Variants in SRD5A2 observed in about 807,000 individuals in gnomAD.
SRD5A2 encodes 3-oxo-5-alpha-steroid 4-dehydrogenase 2.
Under a neutral mutation model 27.4 loss-of-function variants are expected in SRD5A2, and 30 were observed. The observed-to-expected ratio is 1.10, with a 90% CI of 0.82 to 1.49. The LOEUF (loss-of-function observed/expected upper bound fraction) is 1.49. Among genes scored for constraint, SRD5A2 ranks in the 40% most tolerant of loss-of-function variants. SRD5A2 has a pLI of 0.00. For missense variants in SRD5A2, 348 were observed against 323.4 expected, an observed-to-expected ratio of 1.08 and a Z score of -0.58; for synonymous variants, 141 against 133.6, an observed-to-expected ratio of 1.06 and a Z score of -0.38.
At chr2:31,640,992 G>A in the SRD5A2 span, among the ~76,000 whole-genome samples, 1 of 152,214 alleles carries the variant, frequency 6.6e-6, no homozygotes, top group African/African-American at 2.4e-5. Flanking sequence ...TGAGCAGAAT[G>A]TGGGGAAGGG....
chr2:31,574,062 C>G (rs565395796), intron 1 of SRD5A2, among the ~76,000 whole-genome samples: 1 of 152,354 alleles, frequency 6.6e-6, no homozygotes, highest in East Asian at 1.9e-4. Context: ...GGCACTAGGG[C>G]CCTCTCAGAT....
the SRD5A2 span, among the ~76,000 whole-genome samples, chr2:31,603,749 T>C: frequency 2.6e-5 from 4 of 152,050 alleles, no homozygotes; most frequent in South Asian, 8.3e-4. Context: ...TGCAAGGACA[T>C]GAATGGAGCT....
chr2:31,651,311 T>C, the SRD5A2 span: 1 of 160,214 alleles, frequency 6.2e-6, no homozygotes, highest in African/African-American at 2.4e-5. Flanking sequence ...TTCTGAAGAG[T>C]GAGACATGAA....
chr2:31,564,921 T>G (rs1451178672), intron 1 of SRD5A2, among the ~76,000 whole-genome samples: 1 of 151,918 alleles, frequency 6.6e-6, no homozygotes, highest in African/African-American at 2.4e-5. Context: ...GCATCAAATA[T>G]GGCAACCACA....
At chr2:31,614,406 G>T in the SRD5A2 span, among the ~76,000 whole-genome samples, 1 of 152,214 alleles carries the variant, frequency 6.6e-6, no homozygotes, top group African/African-American at 2.4e-5. Flanking sequence ...TGCAAGTGGT[G>T]GGCTCCTGTG....
At chr2:31,540,729 A>G (rs1426398301) in intron 1 of SRD5A2, among the ~76,000 whole-genome samples, 2 of 152,204 alleles carry the variant, frequency 1.3e-5, no homozygotes, top group Non-Finnish European at 2.9e-5. Flanking sequence ...AGCTCAGTCA[A>G]TTTTAGCTCT....
chr2:31,589,989 C>T, the SRD5A2 span, among the ~76,000 whole-genome samples: 10 of 152,074 alleles, frequency 6.6e-5, no homozygotes, highest in Non-Finnish European at 1.3e-4. Flanking sequence ...CCGTCACTGC[C>T]TGTTTTCCCC....
chr2:31,540,177 A>G (rs1666102021), intron 1 of SRD5A2, among the ~76,000 whole-genome samples: 1 of 152,178 alleles, frequency 6.6e-6, no homozygotes, highest in African/African-American at 2.4e-5. Context: ...ACTATATGAA[A>G]GAGATTCTCT....
At chr2:31,560,142 T>C (rs1489830346) in intron 1 of SRD5A2, among the ~76,000 whole-genome samples, 3 of 148,624 alleles carry the variant, frequency 2.0e-5, no homozygotes, top group Non-Finnish European at 4.5e-5. Flanking sequence ...TCCAGGATAT[T>C]CTAAGACATG....
rs28383025 is a variant in SRD5A2 at position 31,537,540 on chromosome 2, G to C, written c.282-3774C>G. On this transcript the variant is annotated intron_variant, in intron 1 of 4. Transcript: ENST00000622030. ...AACTTCCAGCACACCACACTCTCTT[G>C]GTTCTTCTGCTTCACTGATCTGTTC... Among the ~76,000 whole-genome samples the C allele has an allele frequency of 5.3e-3, 809 of 152,120 alleles. 7 individuals are homozygous for C. Among genetic ancestry groups the C allele is most frequent in the African/African-American group, 0.019 (781 of 41,494 alleles).
At chr2:31,557,389 G>A (rs997631422) in intron 1 of SRD5A2, among the ~76,000 whole-genome samples, 2 of 152,236 alleles carry the variant, frequency 1.3e-5, no homozygotes, top group African/African-American at 4.8e-5. Context: ...TTGCTTAGAT[G>A]TTTTGGCTTT....
At chr2:31,529,480 G>A (rs1375043150) in intron 3 of SRD5A2, 23 bp from the exon 4 acceptor site, 1 of 1,607,208 alleles carries the variant, frequency 6.2e-7, no homozygotes, top group Non-Finnish European at 8.5e-7. Flanking sequence ...GAATCGGAAG[G>A]TCAATCATTG....
At chr2:31,528,584 A>G (rs1488372440) in intron 4 of SRD5A2, among the ~76,000 whole-genome samples, 1 of 152,088 alleles carries the variant, frequency 6.6e-6, no homozygotes, top group Admixed American at 6.5e-5. Flanking sequence ...CCTGGCCAAC[A>G]TGGTGAAACT....
chr2:31,600,511 T>C, the SRD5A2 span, among the ~76,000 whole-genome samples: 6 of 152,144 alleles, frequency 3.9e-5, no homozygotes, highest in South Asian at 2.1e-4. Context: ...ATTTTTTGAC[T>C]TTTTAGTCAT....
At chr2:31,627,368 C>G in the SRD5A2 span, among the ~76,000 whole-genome samples, 1 of 151,790 alleles carries the variant, frequency 6.6e-6, no homozygotes, top group Non-Finnish European at 1.5e-5. Context: ...ATTATTCTAG[C>G]TAGTGGTCTA....
At chr2:31,628,532 A>T in the SRD5A2 span, among the ~76,000 whole-genome samples, 2 of 152,264 alleles carry the variant, frequency 1.3e-5, no homozygotes, top group Non-Finnish European at 1.5e-5. Flanking sequence ...GCTGGTTATT[A>T]TGCAGACTTC....
At chr2:31,635,883 T>C in the SRD5A2 span, among the ~76,000 whole-genome samples, 1 of 152,118 alleles carries the variant, frequency 6.6e-6, no homozygotes, top group Non-Finnish European at 1.5e-5. Context: ...TATATCTGGA[T>C]ACTGTATTCT....
At chr2:31,590,825 G>A in the SRD5A2 span, among the ~76,000 whole-genome samples, 1 of 152,258 alleles carries the variant, frequency 6.6e-6, no homozygotes, top group Admixed American at 6.5e-5. Context: ...AACAGGAAAT[G>A]GGGAAAGGAT....
the SRD5A2 span, among the ~76,000 whole-genome samples, chr2:31,612,592 C>G: frequency 6.6e-6 from 1 of 152,082 alleles, no homozygotes; most frequent in Admixed American, 6.6e-5. Context: ...TCTACACTAA[C>G]CAAAGTAATC....
Sources: gnomAD v4.1 joint callset for allele counts (sites outside exome capture counted in the v4.1 genomes callset) on GRCh38, gnomAD v4.1.1 for gene constraint, MANE v1.5 for transcripts, NCBI Gene and HGNC (gene_info 2026-07-23, HGNC 2026-07-21) for gene names.